The following CEBPZOS variants were observed in gnomAD, a reference collection of about 807,000 sequenced individuals.
CEBPZOS encodes the protein CEBPZ opposite strand.
In CEBPZOS, 10 loss-of-function variants were observed where a neutral mutation model predicts 4.8. The observed-to-expected ratio is 2.07, with a 90% CI of 1.28 to 3.52. The LOEUF is 3.52. CEBPZOS is among the 30% of genes most tolerant of loss of function. The pLI, the probability that CEBPZOS is intolerant of heterozygous loss-of-function variation, is 0.00. For synonymous variants in CEBPZOS, 25 were observed against 14.2 expected, an observed-to-expected ratio of 1.77 and a Z score of -1.72; for missense variants, 98 against 43.6, an observed-to-expected ratio of 2.25 and a Z score of -3.51.
downstream of CEBPZOS, among the ~76,000 whole-genome samples, chr2:37,215,118 G>A (rs1342526170): frequency 6.6e-6 from 1 of 152,112 alleles, no homozygotes; most frequent in African/African-American, 2.4e-5. Flanking sequence ...CTCTGAAAAA[G>A]TCTGTGTGAA....
At position 37,201,034 on chromosome 2, in the gene CEBPZOS, CT is replaced by C; in HGVS notation, c.116-8del. ...TGTTCATATCTAATTTCAAGACATC[CT>C]TTTTTCCATCAGATTTCAGGCAAAC... On this transcript the variant is annotated splice_polypyrimidine_tract_variant and intron_variant, in intron 2 of 4. Coordinates refer to ENST00000402297, the MANE Select transcript of CEBPZOS (RefSeq NM_001322374.2). 1 of 714,458 alleles carries C rather than the reference CT, an allele frequency of 1.4e-6. No individual in the cohort carries two copies. The highest frequency in any genetic ancestry group is 2.0e-5 in the Admixed American group (1 of 49,478). The allele number at this position is 714,458 out of a possible 1,614,324, so 44.3% of individuals were successfully genotyped here. A position where few individuals can be genotyped will look rare whatever the true frequency, so the allele number is the denominator to read the frequency against.
At chr2:37,200,306 A>G (rs1677155609) in intron 2 of CEBPZOS, among the ~76,000 whole-genome samples, 2 of 152,210 alleles carry the variant, frequency 1.3e-5, no homozygotes, top group Admixed American at 1.3e-4. Context: ...ATTTTATATT[A>G]GAGCTCTCAA....
At chr2:37,201,614 TATAA>T (rs1369997143) in intron 3 of CEBPZOS, 24 bp from the exon 4 acceptor site, 3 of 692,868 alleles carry the variant, frequency 4.3e-6, no homozygotes, top group Middle Eastern at 2.8e-4. Flanking sequence ...CACATGACTT[TATAA>T]ATGAGAGCTA....
Position 37,202,173 on chromosome 2 carries a change from C to A in CEBPZOS, c.*313C>A. The A allele has an allele frequency of 1.6e-5, 4 of 245,768 alleles. No individual in the cohort carries two copies. The highest frequency in any genetic ancestry group is 3.1e-5 in the Non-Finnish European group (4 of 131,082). 15.2% of individuals were successfully genotyped at this position (245,768 alleles called of 1,614,324 possible). The stretch of plus-strand genomic sequence containing the variant: ...GCACTTTTACTGGTGAAATAAAAAC[C>A]AGTAACAATCAATATGTAAAAACGG... On this transcript the variant is annotated 3_prime_UTR_variant, in exon 5 of 5. Coordinates refer to ENST00000402297, the MANE Select transcript of CEBPZOS (RefSeq NM_001322374.2).
At position 37,202,874 on chromosome 2, in the gene CEBPZOS, C is replaced by G. The variant is rs753932271; in HGVS notation, c.*1014C>G. The stretch of plus-strand genomic sequence containing the variant: ...TCCAATAGATGGCCAAACTTTTAAA[C>G]AAAAACGATAAATTTATTAGAAAAC... On this transcript the variant is annotated 3_prime_UTR_variant, in exon 5 of 5. Coordinates refer to ENST00000402297, the MANE Select transcript of CEBPZOS (RefSeq NM_001322374.2). 6.3e-7 allele frequency: 1 copy of G among 1,596,104 alleles called. No homozygotes were observed. Among genetic ancestry groups the G allele is most frequent in the African/African-American group, 1.4e-5 (1 of 74,058 alleles).
chr2:37,201,094 T>A lies in CEBPZOS; in HGVS notation c.160+2T>A, dbSNP rs754428333. On this transcript the variant is annotated splice_donor_variant, in intron 3 of 4. Transcript: ENST00000402297. LOFTEE classifies it high-confidence loss of function. ...AGAAATATCCCTTCATCTTGGAAGG[T>A]ATGTTTTTCCTTAAGTAAAAATAAG... The A allele has an allele frequency of 5.6e-6, 4 of 715,006 alleles. No homozygotes were observed. The African/African-American group carries it at 7.0e-5, about 13-fold the overall frequency. 44.3% of individuals were successfully genotyped at this position (715,006 alleles called of 1,614,324 possible).
At chr2:37,211,991 T>G (rs1443276081) in intron 4 of CEBPZOS, 1 of 1,611,798 alleles carries the variant, frequency 6.2e-7, no homozygotes, top group African/African-American at 1.3e-5. Context: ...CTTCTGAATC[T>G]TCATCTAATG....
At chr2:37,206,217 G>C (rs1454930700), downstream of CEBPZOS, among the ~76,000 whole-genome samples, 1 of 152,224 alleles carries the variant, frequency 6.6e-6, no homozygotes, top group Non-Finnish European at 1.5e-5. Flanking sequence ...GGACAGAACA[G>C]CGTGTGGCAA....
At chr2:37,208,494 G>A (rs184835882), downstream of CEBPZOS, among the ~76,000 whole-genome samples, 473 of 152,128 alleles carry the variant, frequency 3.1e-3, 2 homozygotes, top group South Asian at 8.7e-3. Flanking sequence ...TTTAACATAC[G>A]CAAGTCAATA....
At chr2:37,200,976 T>G in intron 2 of CEBPZOS, 72 bp from the exon 3 acceptor site, 2 of 699,896 alleles carry the variant, frequency 2.9e-6, no homozygotes, top group Non-Finnish European at 5.3e-6. Flanking sequence ...AAAGCTAGCA[T>G]TAAATTGTGG....
chr2:37,211,710 C>A, intron 4 of CEBPZOS: 2 of 634,436 alleles, frequency 3.2e-6, no homozygotes, highest in Non-Finnish European at 5.1e-6. Context: ...GGAAAAGGTC[C>A]TTTTAAGTTT....
downstream of CEBPZOS, among the ~76,000 whole-genome samples, chr2:37,208,057 G>C (rs1457570456): frequency 6.6e-6 from 1 of 152,000 alleles, no homozygotes. Context: ...AGAGAAAAAT[G>C]GATAAATTCC....
At position 37,202,888 on chromosome 2, in the gene CEBPZOS, T is replaced by G; in HGVS notation, c.*1028T>G. The G allele has an allele frequency of 6.3e-7, 1 of 1,595,508 alleles. No homozygotes were observed. Among genetic ancestry groups the G allele is most frequent in the Non-Finnish European group, 8.5e-7 (1 of 1,170,232 alleles). On this transcript the variant is annotated 3_prime_UTR_variant, in exon 5 of 5. Transcript: ENST00000402297. ...AAACTTTTAAACAAAAACGATAAAT[T>G]TATTAGAAAACTAAAAATAATGTAG...
rs1413176929 is a variant in CEBPZOS, at chr2:37,203,525, C to G, written c.*1665C>G. On this transcript the variant is annotated 3_prime_UTR_variant, in exon 5 of 5. Coordinates refer to ENST00000402297, the MANE Select transcript of CEBPZOS (RefSeq NM_001322374.2). Reference sequence around the variant, plus strand: ...TTTTCCTGAAACAATTATTCAAACTCTGCATCTTTGATATCAATGTCTCTA... The same window carrying G: ...TTTTCCTGAAACAATTATTCAAACTGTGCATCTTTGATATCAATGTCTCTA... 6.6e-6 allele frequency: 1 copy of G among 152,168 alleles called. No individual in the cohort carries two copies. The allele number at this position is 152,168 out of a possible 1,614,324, so 9.4% of individuals were successfully genotyped here.
chr2:37,212,720 AT>A, intron 4 of CEBPZOS: 1 of 295,660 alleles, frequency 3.4e-6, no homozygotes, highest in Non-Finnish European at 6.3e-6. Flanking sequence ...TTAAGTGCTC[AT>A]TTTTAATAGG....
chr2:37,209,513 T>G (rs572019990), downstream of CEBPZOS: 75 of 152,264 alleles, frequency 4.9e-4, 1 homozygote, highest in African/African-American at 1.8e-3. Flanking sequence ...ATCTGATCTT[T>G]GACAAAGTAA....
Position 37,204,103 on chromosome 2 carries a change from C to T in CEBPZOS, c.*2243C>T, listed in dbSNP as rs1326414067. 1 of 152,090 alleles carries T rather than the reference C, an allele frequency of 6.6e-6. No individual in the cohort carries two copies. Among genetic ancestry groups the T allele is most frequent in the Non-Finnish European group, 1.5e-5 (1 of 68,028 alleles). The allele number at this position is 152,090 out of a possible 1,614,324, so 9.4% of individuals were successfully genotyped here. On this transcript the variant is annotated 3_prime_UTR_variant, in exon 5 of 5. Coordinates refer to ENST00000402297, the MANE Select transcript of CEBPZOS (RefSeq NM_001322374.2). ...TGTTACTTAACAGCTGTATAATACA[C>T]ATTTGCATGCATTAGGAAGTTTTTT...
chr2:37,215,303 T>C (rs549879111), downstream of CEBPZOS: 2 of 165,114 alleles, frequency 1.2e-5, no homozygotes, highest in South Asian at 3.8e-4. Flanking sequence ...ATAATCACTT[T>C]AAACTTGTCA....
downstream of CEBPZOS, chr2:37,214,024 C>T: frequency 1.1e-6 from 1 of 878,444 alleles, no homozygotes; most frequent in Non-Finnish European, 1.6e-6. Flanking sequence ...TATATATCAT[C>T]AAAGCACCTA....
Sources: gnomAD v4.1 joint callset for allele counts (sites outside exome capture counted in the v4.1 genomes callset) on GRCh38, gnomAD v4.1.1 for gene constraint, MANE v1.5 for transcripts, NCBI Gene and HGNC (gene_info 2026-07-23, HGNC 2026-07-21) for gene names.